SMARCA2: variants seen among roughly 807,000 people sequenced by gnomAD.
SMARCA2 encodes SWI/SNF-related matrix-associated actin-dependent regulator of chromatin subfamily A member 2.
A neutral mutation model predicts 199.8 loss-of-function variants in SMARCA2; 61 were observed. That is an observed-to-expected ratio of 0.31 (90% CI 0.25 to 0.38). The LOEUF is 0.38. Ranked by LOEUF, SMARCA2 falls within the 10% of genes least tolerant of loss-of-function variation. SMARCA2 has a pLI of 1.00. For synonymous variants in SMARCA2, 935 were observed against 732.0 expected (o/e 1.28, Z -4.48); for missense variants, 1,344 against 2,012.2 (o/e 0.67, Z 6.35).
At chr9:2,033,655 C>T (rs930629887) in intron 3 of SMARCA2, among the ~76,000 whole-genome samples, 7 of 152,218 alleles carry the variant, frequency 4.6e-5, no homozygotes, top group Non-Finnish European at 7.3e-5. Context: ...AATGTATTCT[C>T]TTATATAATT....
chr9:2,039,796 A>G lies in SMARCA2; in HGVS notation c.686A>G (p.Gln229Arg), dbSNP rs184126259. ...QQQQQQQQQQ[Q>R]QQQQQQQQQP... Reference sequence around the variant, plus strand: ...CAGCAACAGCAGCAGCAGCAGCAGCAGCAGCAGCAGCAGCAGCAGCAACAG... The same window carrying G: ...CAGCAACAGCAGCAGCAGCAGCAGCGGCAGCAGCAGCAGCAGCAGCAACAG... Residue 229 changes from glutamine to arginine, a missense_variant, in exon 4 of 34, where the codon CAG (glutamine) becomes CGG (arginine). Transcript: ENST00000349721. This position sits in a 1 kb window ranked among gnomAD's most constrained non-coding sequence, Gnocchi z 4.8. 1 of 1,533,796 alleles carries G rather than the reference A, an allele frequency of 6.5e-7. No individual in the cohort carries two copies. The highest frequency in any genetic ancestry group is 9.0e-7 in the Non-Finnish European group (1 of 1,113,330).
chr9:2,149,690 G>C (rs1158788596), intron 27 of SMARCA2, among the ~76,000 whole-genome samples: 1 of 151,480 alleles, frequency 6.6e-6, no homozygotes, highest in Non-Finnish European at 1.5e-5. Context: ...GATGAGATTT[G>C]GGTGGGGACA....
At chr9:2,108,564 A>C (rs1279637104) in intron 23 of SMARCA2, among the ~76,000 whole-genome samples, 1 of 152,154 alleles carries the variant, frequency 6.6e-6, no homozygotes, top group Non-Finnish European at 1.5e-5. Flanking sequence ...AGATGCCATG[A>C]TCTCTTCTTT....
chr9:2,049,480 A>C (rs1261671608), intron 5 of SMARCA2, among the ~76,000 whole-genome samples: 1 of 152,220 alleles, frequency 6.6e-6, no homozygotes, highest in African/African-American at 2.4e-5. Flanking sequence ...AAATGTGGAG[A>C]ATGGCAATTT....
chr9:2,064,357 A>G (rs1056473067), intron 9 of SMARCA2, among the ~76,000 whole-genome samples: 6 of 152,344 alleles, frequency 3.9e-5, no homozygotes, highest in Non-Finnish European at 8.8e-5. Context: ...GGCAATAGGA[A>G]TGTTGTCTAC....
At chr9:2,067,845 G>A (rs1189433102) in intron 9 of SMARCA2, among the ~76,000 whole-genome samples, 1 of 152,198 alleles carries the variant, frequency 6.6e-6, no homozygotes, top group Non-Finnish European at 1.5e-5. Flanking sequence ...CTGTGAGGCA[G>A]TTTTTAGATA....
chr9:2,131,380 C>T (rs537257320), intron 27 of SMARCA2, among the ~76,000 whole-genome samples: 3 of 152,252 alleles, frequency 2.0e-5, no homozygotes, highest in Non-Finnish European at 2.9e-5. Flanking sequence ...GGGAAGACAC[C>T]GCTTTGTTTT....
chr9:2,040,937 G>T, intron 4 of SMARCA2: 1 of 156,562 alleles, frequency 6.4e-6, no homozygotes. Flanking sequence ...AGATTGTATG[G>T]GTCTACTCTA....
rs138684090 is a variant in SMARCA2 at position 2,186,154 on chromosome 9, C to G, written c.4520C>G (p.Ala1507Gly). ...SVFKSARQKI[A>G]KEEESEDESN... ...TTTAAGAGTGCCCGGCAGAAAATTG[C>G]CAAAGAGGAAGAGAGTGAGGATGAA... Residue 1507 changes from alanine to glycine, a missense_variant, in exon 32 of 34, where the codon GCC (alanine) becomes GGC (glycine). Physicochemically the swap from Ala to Gly is moderately conservative, Grantham distance 60. This residue lies in a region of SMARCA2 where 155 missense variants were observed against 121.1 expected (regional missense o/e 1.28). Coordinates refer to ENST00000349721, the MANE Select transcript of SMARCA2 (RefSeq NM_003070.5). 12 of 1,613,618 alleles carry G rather than the reference C, an allele frequency of 7.4e-6. No homozygotes were observed. The highest frequency in any genetic ancestry group is 4.0e-5 in the African/African-American group (3 of 74,820).
At position 2,073,185 on chromosome 9, in the gene SMARCA2, C is replaced by T. The variant is rs369943567; in HGVS notation, c.1747-27C>T. On this transcript the variant is annotated intron_variant, in intron 10 of 33. Transcript: ENST00000349721. ...CTGGGGGAAGGTCTTAACATGAAAC[C>T]GTGACATGATTTTCCCTCCTTTGTA... 209 of 1,613,190 alleles carry T rather than the reference C, an allele frequency of 1.3e-4. 1 individual carries two copies. Among genetic ancestry groups the T allele is most frequent in the Middle Eastern group, 1.6e-4 (1 of 6,080 alleles).
intron 31 of SMARCA2, among the ~76,000 whole-genome samples, chr9:2,182,831 C>T (rs1250077403): frequency 1.3e-5 from 2 of 150,790 alleles, no homozygotes; most frequent in African/African-American, 2.4e-5. Context: ...TGGAGTCTCG[C>T]CCAGGCTGGA....
chr9:2,070,657 T>C (rs1353879683), intron 10 of SMARCA2, among the ~76,000 whole-genome samples, 186 bp downstream of exon 10: 2 of 152,228 alleles, frequency 1.3e-5, no homozygotes, highest in East Asian at 3.8e-4. Flanking sequence ...AATAATCTAC[T>C]TACATGTCAG....
At chr9:2,043,383 G>A (rs1378580404) in intron 4 of SMARCA2, 1 of 152,196 alleles carries the variant, frequency 6.6e-6, no homozygotes, top group East Asian at 1.9e-4. Flanking sequence ...ACGATGGAAT[G>A]TGCCCTTGCC....
At chr9:2,172,393 G>T (rs953032355) in intron 29 of SMARCA2, among the ~76,000 whole-genome samples, 1 of 151,792 alleles carries the variant, frequency 6.6e-6, no homozygotes, top group Non-Finnish European at 1.5e-5. Context: ...CTGGCTGTGA[G>T]CAGAGTGGGA....
chr9:2,191,430 T>C, intron 33 of SMARCA2, 22 bp downstream of exon 33: 7 of 1,613,168 alleles, frequency 4.3e-6, no homozygotes, highest in South Asian at 1.1e-5. Flanking sequence ...CGACTGGGAC[T>C]GAAGGCGGAG....
At chr9:2,101,777 C>T (rs180937284) in intron 22 of SMARCA2, among the ~76,000 whole-genome samples, 161 bp downstream of exon 22, 1 of 152,294 alleles carries the variant, frequency 6.6e-6, no homozygotes, top group Non-Finnish European at 1.5e-5. Context: ...TTCTCTTTTA[C>T]TTTACTGGCA....
At chr9:2,177,662 C>G (rs764784146) in intron 29 of SMARCA2, among the ~76,000 whole-genome samples, 1 of 152,136 alleles carries the variant, frequency 6.6e-6, no homozygotes, top group Non-Finnish European at 1.5e-5. Context: ...AAGCAATTCT[C>G]CTGCCTCAGC....
At chr9:2,177,414 A>G (rs10448209) in intron 29 of SMARCA2, among the ~76,000 whole-genome samples, 14,946 of 152,216 alleles carry the variant, frequency 0.098, 933 homozygotes, top group African/African-American at 0.17. Context: ...TCTCAGCACT[A>G]TCTATTAGCT....
intron 23 of SMARCA2, among the ~76,000 whole-genome samples, chr9:2,107,784 G>A (rs1822823751): frequency 6.6e-6 from 1 of 152,060 alleles, no homozygotes; most frequent in South Asian, 2.1e-4. Context: ...GGCATTGGTT[G>A]TATTTATATC....
Sources: allele counts gnomAD v4.1 joint callset (sites outside exome capture counted in the v4.1 genomes callset), GRCh38; gene constraint gnomAD v4.1.1; regional missense constraint gnomAD v4.1.1; non-coding constraint Gnocchi (gnomAD v3.1); transcripts MANE v1.5; gene names NCBI Gene and HGNC (gene_info 2026-07-23, HGNC 2026-07-21).